Variants in SPOCD1 observed in about 807,000 individuals in gnomAD.
SPOCD1 encodes the protein SPOC domain containing 1.
In SPOCD1, 64 loss-of-function variants were observed where a neutral mutation model predicts 92.2. That is an observed-to-expected ratio of 0.69 (90% confidence interval 0.57 to 0.86). SPOCD1 has a LOEUF of 0.86. SPOCD1 is among the 40% of genes least tolerant of loss of function. The pLI, the probability that SPOCD1 is intolerant of heterozygous loss-of-function variation, is 0.00. For missense variants in SPOCD1, 1,360 were observed against 1,543.1 expected (o/e 0.88, Z 1.99); for synonymous variants, 578 against 619.3 (o/e 0.93, Z 0.99).
intron 2 of SPOCD1, among the ~76,000 whole-genome samples, chr1:31,807,746 T>C (rs1309959305): frequency 6.6e-6 from 1 of 151,946 alleles, no homozygotes; most frequent in Non-Finnish European, 1.5e-5. Context: ...AACTGACAAT[T>C]GTCTGACAAG....
In SPOCD1 at chr1:31,814,869, T is replaced by TCCTGCAAGCCTCTC; in HGVS notation, c.451_464dup (p.Val156ArgfsTer9). The TCCTGCAAGCCTCTC allele has an allele frequency of 6.2e-7, 1 of 1,613,374 alleles. No individual in the cohort carries two copies. The highest frequency in any genetic ancestry group is 1.1e-5 in the South Asian group (1 of 91,066). On this transcript the variant is annotated frameshift_variant, in exon 2 of 16. Transcript: ENST00000360482. LOFTEE classifies it high-confidence loss of function. This position sits in a 1 kb window ranked among gnomAD's most constrained non-coding sequence, Gnocchi z 4.2. ...GCCTGAGGCAGCTCACCTCCTCCACTCCTGCAAGCCTCTCCCTGCAGGCCA... is the reference window on the plus strand; with the variant it reads ...GCCTGAGGCAGCTCACCTCCTCCACTCCTGCAAGCCTCTCCCTGCAAGCCTCTCCCTGCAGGCCA...
chr1:31,812,454 T>C (rs1309653222), intron 2 of SPOCD1, among the ~76,000 whole-genome samples: 2 of 152,150 alleles, frequency 1.3e-5, no homozygotes, highest in Non-Finnish European at 2.9e-5. Flanking sequence ...GGAAAGACCT[T>C]CAAATACTAC....
chr1:31,805,143 G>A (rs959902156), intron 2 of SPOCD1, among the ~76,000 whole-genome samples: 2 of 151,536 alleles, frequency 1.3e-5, no homozygotes, highest in East Asian at 3.9e-4. Context: ...CACCACACCC[G>A]GCTATTTTTT....
chr1:31,799,402 G>C lies in SPOCD1; in HGVS notation c.1867C>G (p.Arg623Gly). The C allele has an allele frequency of 1.2e-6, 2 of 1,607,844 alleles. No individual in the cohort carries two copies. The highest frequency in any genetic ancestry group is 4.5e-5 in the East Asian group (2 of 44,700). ...GGGGAGTGGGGAGCAAGGCCTCACC[G>C]AGTCCATAGTACCTCCTGCATGGAA... ...VRSMQEVLWT[R>G]LRELPDPVLS... is the part of the protein sequence containing the mutation. Residue 623 changes from arginine (R) to glycine (G), a missense_variant and splice_region_variant, in exon 7 of 16, where the codon CGC becomes GGC. Transcript: ENST00000360482.
In SPOCD1 at chr1:31,814,892, C is replaced by T; in HGVS notation, c.442G>A (p.Ala148Thr). Reference sequence around the variant, plus strand: ...ACTCCTGCAAGCCTCTCCCTGCAGGCCAGAGCTCTCTCTGGGAGGCCAGCA... The same window carrying T: ...ACTCCTGCAAGCCTCTCCCTGCAGGTCAGAGCTCTCTCTGGGAGGCCAGCA... ...RSAGLPERAL[A>T]CRERLAGVEE... is the part of the protein sequence containing the mutation. The change falls in exon 2 of 16, where the codon GCC becomes ACC. Residue 148 changes from alanine to threonine, a missense_variant. Around this residue, in one of 3 missense-constraint regions of SPOCD1, gnomAD observed 606 missense variants for 601.5 expected, o/e 1.01. Transcript: ENST00000360482. The surrounding 1 kb of genome is among the most constrained non-coding windows in gnomAD (Gnocchi z 4.2). 2 of 1,613,808 alleles carry T rather than the reference C, an allele frequency of 1.2e-6. No homozygotes were observed. Among genetic ancestry groups the T allele is most frequent in the South Asian group, 1.1e-5 (1 of 91,082 alleles).
Position 31,792,214 on chromosome 1 carries a change from C to G in SPOCD1, c.2962+1G>C. ...GTCTGGTATGGGGACTAGGCACTCACCTGGGCCCCCCAAAGGGCGCAGCCT... is the reference window on the plus strand; with the variant it reads ...GTCTGGTATGGGGACTAGGCACTCAGCTGGGCCCCCCAAAGGGCGCAGCCT... On this transcript the variant is annotated splice_donor_variant, in intron 15 of 15. Coordinates refer to ENST00000360482, the MANE Select transcript of SPOCD1 (RefSeq NM_144569.7). LOFTEE classifies it high-confidence loss of function. 1 of 1,598,490 alleles carries G rather than the reference C, an allele frequency of 6.3e-7. No homozygotes were observed. Among genetic ancestry groups the G allele is most frequent in the Non-Finnish European group, 8.5e-7 (1 of 1,172,624 alleles).
rs934135095 is a variant in SPOCD1, at chr1:31,791,180, C to T, written c.3074G>A (p.Gly1025Glu). The T allele has an allele frequency of 5.6e-6, 9 of 1,612,296 alleles. No individual in the cohort carries two copies. The highest frequency in any genetic ancestry group is 2.2e-5 in the East Asian group (1 of 44,834). Reference sequence around the variant, plus strand: ...AACCTTCCCCAACCAGGGGCTGGACCCTGCTGTGTCTGGAAGCCCTTCCTT... The same window carrying T: ...AACCTTCCCCAACCAGGGGCTGGACTCTGCTGTGTCTGGAAGCCCTTCCTT... Reference protein sequence around the residue: ...LPKEGLPDTAGSSPWLGKVQK... With the variant: ...LPKEGLPDTAESSPWLGKVQK... The change falls in exon 16 of 16, where the codon GGG (glycine) becomes GAG (glutamate). Residue 1025 changes from glycine to glutamate, a missense_variant. This residue lies in a region of SPOCD1 where 614 missense variants were observed against 757.8 expected (regional missense o/e 0.81). Coordinates refer to ENST00000360482, the MANE Select transcript of SPOCD1 (RefSeq NM_144569.7).
intron 10 of SPOCD1, 198 bp downstream of exon 10, chr1:31,796,392 G>A (rs775969086): frequency 1.4e-5 from 11 of 799,146 alleles, no homozygotes; most frequent in African/African-American, 3.4e-5. Context: ...GTGACAAGGC[G>A]CTGGCAGGCC....
chr1:31,792,323 C>T lies in SPOCD1; in HGVS notation c.2854G>A (p.Asp952Asn). 6.2e-7 allele frequency: 1 copy of T among 1,614,030 alleles called. No homozygotes were observed. The highest frequency in any genetic ancestry group is 1.3e-5 in the African/African-American group (1 of 75,052). The part of the protein sequence containing the change: ...NCRLLYSYLN[D>N]RQRHGLASVE... Reference sequence around the variant, plus strand: ...GAGGCCAGCCCGTGGCGCTGCCTATCATTGAGGTATGAGTAGAGCAGGCGG... The same window carrying T: ...GAGGCCAGCCCGTGGCGCTGCCTATTATTGAGGTATGAGTAGAGCAGGCGG... The change falls in exon 15 of 16, where the codon GAT becomes AAT. Residue 952 changes from aspartate to asparagine, a missense_variant. Physicochemically the swap from Asp to Asn is conservative, Grantham distance 23. Coordinates refer to ENST00000360482, the MANE Select transcript of SPOCD1 (RefSeq NM_144569.7).
chr1:31,797,777 G>T (rs1022554706), intron 9 of SPOCD1, among the ~76,000 whole-genome samples: 4 of 152,182 alleles, frequency 2.6e-5, no homozygotes, highest in Non-Finnish European at 5.9e-5. Flanking sequence ...CAGGGTATAT[G>T]GGGACACAGC....
intron 12 of SPOCD1, 23 bp downstream of exon 12, chr1:31,793,724 C>T (rs750338630): frequency 1.9e-6 from 3 of 1,613,728 alleles, no homozygotes; most frequent in South Asian, 1.1e-5. Flanking sequence ...GGGTTATCCA[C>T]CTCCCTGCTC....
rs538327885 is a variant in SPOCD1 at position 31,806,631 on chromosome 1, C to T, written c.1384-4926G>A. ...TGCGATCTCGGCTCACTGCAGTCTC[C>T]GCCCCCGAGGTTCAAGCGATTCTCC... is the stretch of plus-strand genomic sequence containing the variant. On this transcript the variant is annotated intron_variant, in intron 2 of 15. Coordinates refer to ENST00000360482, the MANE Select transcript of SPOCD1 (RefSeq NM_144569.7). 5.9e-5 allele frequency among the ~76,000 whole-genome samples: 9 copies of T among 151,798 alleles called. No individual in the cohort carries two copies. The South Asian group carries it at 6.3e-4, about 11-fold the overall frequency.
At chr1:31,792,594 A>G (rs971888240) in intron 14 of SPOCD1, 84 bp downstream of exon 14, 2 of 1,275,078 alleles carry the variant, frequency 1.6e-6, no homozygotes, top group African/African-American at 1.5e-5. Flanking sequence ...CAGATATCCA[A>G]GCCAGGCCTC....
intron 10 of SPOCD1, chr1:31,794,506 T>A (rs947612758): frequency 2.2e-5 from 6 of 269,624 alleles, no homozygotes; most frequent in Non-Finnish European, 4.1e-5. Flanking sequence ...CTTTTCTTTT[T>A]TTTTTTTTTG....
At position 31,815,067 on chromosome 1, in the gene SPOCD1, T is replaced by C. The variant is rs1173372416; in HGVS notation, c.267A>G (p.Val89=). The part of the protein sequence containing the change: ...RPGVLELLAV[V]QSRGSMLAPG... ...GAGCCAGCATCGAGCCCCGGCTCTG[T>C]ACCACAGCTAGCAGCTCCAAGACCC... Residue 89 remains valine, a synonymous_variant, in exon 2 of 16, where the codon GTA becomes GTG. Transcript: ENST00000360482. 1.2e-6 allele frequency: 2 copies of C among 1,613,798 alleles called. No homozygotes were observed. Among genetic ancestry groups the C allele is most frequent in the South Asian group, 2.2e-5 (2 of 91,080 alleles).
At position 31,798,455 on chromosome 1, in the gene SPOCD1, T is replaced by C. The variant is rs1384051712; in HGVS notation, c.2015A>G (p.Asp672Gly). ...AGCCCTGCTCACCAGGTTCCTGGGG[T>C]CCCGCAGGTTGAACAGCAGGCTGCG... ...KYRSLLFNLR[D>G]PRNLDLFLKV... Residue 672 changes from aspartate (D) to glycine (G), a missense_variant, in exon 8 of 16, where the codon GAC becomes GGC. Asp to Gly is a moderately conservative substitution (Grantham distance 94). Transcript: ENST00000360482. This position sits in a 1 kb window ranked among gnomAD's most constrained non-coding sequence, Gnocchi z 4.1. 1 of 1,610,074 alleles carries C rather than the reference T, an allele frequency of 6.2e-7. No individual in the cohort carries two copies. Among genetic ancestry groups the C allele is most frequent in the Admixed American group, 1.7e-5 (1 of 59,802 alleles).
At position 31,793,386 on chromosome 1, in the gene SPOCD1, C is replaced by T. The variant is rs1435466287; in HGVS notation, c.2577G>A (p.Lys859=). The change falls in exon 13 of 16, where the codon AAG becomes AAA. Residue 859 remains lysine, a synonymous_variant. Coordinates refer to ENST00000360482, the MANE Select transcript of SPOCD1 (RefSeq NM_144569.7). Reference sequence around the variant, plus strand: ...CCCAGGGTGGCAGGCAGGGCAGGGCCTTTGTGGGTGCAGCAGGCACATGGA... The same window carrying T: ...CCCAGGGTGGCAGGCAGGGCAGGGCTTTTGTGGGTGCAGCAGGCACATGGA... ...SGLHVPAAPT[K]ALPCLPPWEG... is the part of the protein sequence containing the mutation. 6.3e-7 allele frequency: 1 copy of T among 1,592,640 alleles called. No individual in the cohort carries two copies.
In SPOCD1 at chr1:31,800,620, G is replaced by A. The variant is rs757750428; in HGVS notation, c.1426-3C>T. 15 of 1,597,476 alleles carry A rather than the reference G, an allele frequency of 9.4e-6. No homozygotes were observed. The highest frequency in any genetic ancestry group is 1.3e-5 in the Non-Finnish European group (15 of 1,169,532). Reference sequence around the variant, plus strand: ...TGGATCACTGGCCCGGAACCCAGCTGCGGGGGAGATCGCACTTCAGAAGCA... The same window carrying A: ...TGGATCACTGGCCCGGAACCCAGCTACGGGGGAGATCGCACTTCAGAAGCA... On this transcript the variant is annotated splice_polypyrimidine_tract_variant and splice_region_variant and intron_variant, in intron 3 of 15. Transcript: ENST00000360482.
At position 31,793,397 on chromosome 1, in the gene SPOCD1, C is replaced by T; in HGVS notation, c.2566G>A (p.Ala856Thr). 1 of 1,592,726 alleles carries T rather than the reference C, an allele frequency of 6.3e-7. No individual in the cohort carries two copies. Among genetic ancestry groups the T allele is most frequent in the Non-Finnish European group, 8.6e-7 (1 of 1,169,562 alleles). ...AGGCAGGGCAGGGCCTTTGTGGGTGCAGCAGGCACATGGAGCCCAGATGGA... is the reference window on the plus strand; with the variant it reads ...AGGCAGGGCAGGGCCTTTGTGGGTGTAGCAGGCACATGGAGCCCAGATGGA... Reference protein sequence around the residue: ...VPPSGLHVPAAPTKALPCLPP... With the variant: ...VPPSGLHVPATPTKALPCLPP... The change falls in exon 13 of 16, where the codon GCA (alanine) becomes ACA (threonine). Residue 856 changes from alanine to threonine, a missense_variant. By Grantham distance (58) the Ala-to-Thr change is moderately conservative. Around this residue, in one of 3 missense-constraint regions of SPOCD1, gnomAD observed 614 missense variants for 757.8 expected, o/e 0.81. Transcript: ENST00000360482.
Sources: gnomAD v4.1 joint callset for allele counts (sites outside exome capture counted in the v4.1 genomes callset) on GRCh38, gnomAD v4.1.1 for gene constraint, gnomAD v4.1.1 regional missense constraint, Gnocchi (gnomAD v3.1) non-coding constraint, MANE v1.5 for transcripts, NCBI Gene and HGNC (gene_info 2026-07-23, HGNC 2026-07-21) for gene names.